Variants in FAH observed in about 807,000 individuals in gnomAD.
FAH encodes fumarylacetoacetase.
A neutral mutation model predicts 55.8 loss-of-function variants in FAH; 47 were observed. The observed-to-expected ratio is 0.84, with a 90% CI of 0.67 to 1.07. The LOEUF (loss-of-function observed/expected upper bound fraction) is 1.07, where lower values mean the gene tolerates loss of function less well. FAH is among the 50% of genes least tolerant of loss of function. The pLI, the probability that FAH is intolerant of heterozygous loss-of-function variation, is 0.00. For synonymous variants in FAH, 199 were observed against 207.7 expected (o/e 0.96, Z 0.36); for missense variants, 495 against 545.9 (o/e 0.91, Z 0.93).
At chr15:80,175,117 C>T (rs1176954319) in intron 10 of FAH, 26 bp downstream of exon 10, 1 of 1,602,894 alleles carries the variant, frequency 6.2e-7, no homozygotes, top group East Asian at 2.2e-5. Flanking sequence ...ACTGACATGG[C>T]CAGGAGCTCT....
At chr15:80,160,572 A>C in intron 4 of FAH, 113 bp downstream of exon 4, 1 of 1,014,718 alleles carries the variant, frequency 9.9e-7, no homozygotes, top group Non-Finnish European at 1.5e-6. Flanking sequence ...GTGGGGGGAG[A>C]TGGAGGAGGG....
At chr15:80,180,952 C>G in intron 12 of FAH, 90 bp from the exon 13 acceptor site, 1 of 1,080,582 alleles carries the variant, frequency 9.3e-7, no homozygotes, top group African/African-American at 1.6e-5. Flanking sequence ...CCTGCCACTT[C>G]TCGGGACTCC....
chr15:80,181,233 T>G, intron 13 of FAH, 74 bp downstream of exon 13: 1 of 1,033,054 alleles, frequency 9.7e-7, no homozygotes. Context: ...GGGGCGCTCC[T>G]ACCTGGCCAT....
At chr15:80,180,283 G>A (rs771799889) in intron 12 of FAH, 58 bp downstream of exon 12, 1 of 1,351,040 alleles carries the variant, frequency 7.4e-7, no homozygotes, top group Non-Finnish European at 1.0e-6. Context: ...TCCCCACACA[G>A]CCCCAAGGGC....
intron 2 of FAH, 105 bp downstream of exon 2, chr15:80,158,275 C>T (rs575770612): frequency 5.7e-6 from 5 of 874,388 alleles, no homozygotes; most frequent in African/African-American, 1.6e-5. Context: ...GTAATGCCAT[C>T]GAAGGTCTCA....
intron 13 of FAH, among the ~76,000 whole-genome samples, chr15:80,184,449 G>T (rs1038508246): frequency 6.6e-6 from 1 of 151,760 alleles, no homozygotes; most frequent in African/African-American, 2.4e-5. Context: ...GGGTGTAGAA[G>T]CAGTGACCCT....
intron 11 of FAH, among the ~76,000 whole-genome samples, chr15:80,178,220 AG>A (rs1280557206): frequency 2.7e-5 from 4 of 150,710 alleles, no homozygotes; most frequent in African/African-American, 9.7e-5. Context: ...AATTAAAAAA[AG>A]TGCATATTAT....
intron 13 of FAH, among the ~76,000 whole-genome samples, chr15:80,185,678 T>C (rs1376124122): frequency 6.6e-6 from 1 of 152,126 alleles, no homozygotes; most frequent in Non-Finnish European, 1.5e-5. Context: ...GAGAGCCAAG[T>C]GAAAGGAGAA....
At position 80,160,436 on chromosome 15, in the gene FAH, C is replaced by T. The variant is rs772014160; in HGVS notation, c.341C>T (p.Thr114Met). The change falls in exon 4 of 14, where the codon ACG (threonine) becomes ATG (methionine). Residue 114 changes from threonine (T) to methionine (M), a missense_variant. Transcript: ENST00000561421. The stretch of plus-strand genomic sequence containing the variant: ...GCATTCATCTCCCAGGCTTCTGCCA[C>T]GATGCACCTTCCAGCCACCATAGGT... The part of the protein sequence containing the change: ...KCAFISQASA[T>M]MHLPATIGDY... 8.1e-6 allele frequency: 13 copies of T among 1,614,098 alleles called. No homozygotes were observed. The highest frequency in any genetic ancestry group is 1.3e-5 in the African/African-American group (1 of 74,942).
At chr15:80,170,666 C>T (rs993400949) in intron 7 of FAH, among the ~76,000 whole-genome samples, 1 of 152,222 alleles carries the variant, frequency 6.6e-6, no homozygotes, top group South Asian at 2.1e-4. Context: ...GCAGACACTT[C>T]ACCTGTTGAG....
intron 11 of FAH, 115 bp downstream of exon 11, chr15:80,177,698 G>C: frequency 1.0e-6 from 1 of 988,898 alleles, no homozygotes; most frequent in South Asian, 1.3e-5. Context: ...GGGTCAGCCT[G>C]TGGGCCTGGA....
intron 10 of FAH, among the ~76,000 whole-genome samples, chr15:80,175,578 A>G (rs979394261): frequency 6.7e-6 from 1 of 148,782 alleles, no homozygotes; most frequent in Non-Finnish European, 1.5e-5. Flanking sequence ...AGTGTCTTGC[A>G]GACAGACCCG....
chr15:80,171,190 C>A (rs2041237357), intron 7 of FAH, among the ~76,000 whole-genome samples: 1 of 151,878 alleles, frequency 6.6e-6, no homozygotes, highest in African/African-American at 2.4e-5. Context: ...GCGTGCTGCA[C>A]CCATTAAGTC....
intron 4 of FAH, among the ~76,000 whole-genome samples, chr15:80,161,274 T>C (rs142889834): frequency 2.0e-5 from 3 of 151,634 alleles, no homozygotes; most frequent in Non-Finnish European, 2.9e-5. Flanking sequence ...CTTTCTTGTT[T>C]TTTTTTTTTT....
rs576207743 is a variant in FAH, at chr15:80,159,036, G to A, written c.193-720G>A. On this transcript the variant is annotated intron_variant, in intron 2 of 13. Transcript: ENST00000561421. ...GCAGATCACTTGAGGTCAGGAGTTC[G>A]AGACCAGCCTGGCCAACATGGTGAA... is the stretch of plus-strand genomic sequence containing the variant. 1.4e-3 allele frequency among the ~76,000 whole-genome samples: 215 copies of A among 151,990 alleles called. 2 individuals carry two copies. The highest frequency in any genetic ancestry group is 4.8e-3 in the African/African-American group (199 of 41,450).
chr15:80,159,696 G>A, intron 2 of FAH, 60 bp from the exon 3 acceptor site: 2 of 1,609,526 alleles, frequency 1.2e-6, no homozygotes, highest in East Asian at 2.2e-5. Context: ...TCCATTGGAA[G>A]GAGGGATACT....
At chr15:80,167,415 A>G (rs898854813) in intron 5 of FAH, among the ~76,000 whole-genome samples, 1 of 152,042 alleles carries the variant, frequency 6.6e-6, no homozygotes, top group Admixed American at 6.6e-5. Context: ...TGTCTCTTAT[A>G]AGGACATTTC....
At chr15:80,174,938 C>A in intron 9 of FAH, 78 bp from the exon 10 acceptor site, 3 of 1,199,898 alleles carry the variant, frequency 2.5e-6, no homozygotes, top group Non-Finnish European at 3.7e-6. Context: ...CTGCTGGGGG[C>A]CTGGCTGGTA....
At chr15:80,178,835 G>A (rs549677294) in intron 11 of FAH, among the ~76,000 whole-genome samples, 7 of 152,032 alleles carry the variant, frequency 4.6e-5, no homozygotes, top group South Asian at 2.1e-4. Context: ...TGATCCGCCC[G>A]CCTCAGCCTC....
Sources: allele counts gnomAD v4.1 joint callset (sites outside exome capture counted in the v4.1 genomes callset), GRCh38; gene constraint gnomAD v4.1.1; transcripts MANE v1.5; gene names NCBI Gene and HGNC (gene_info 2026-07-23, HGNC 2026-07-21).